The following PDS5B variants were observed in gnomAD, a reference collection of about 807,000 sequenced individuals.
PDS5B encodes the protein sister chromatid cohesion protein PDS5 homolog B.
PDS5B carries 51 observed loss-of-function variants against 184.1 expected under a neutral mutation model. That is an observed-to-expected ratio of 0.28 (90% CI 0.22 to 0.35). The LOEUF (loss-of-function observed/expected upper bound fraction) is 0.35. Among genes scored for constraint, PDS5B ranks in the 10% least tolerant of loss-of-function variants. PDS5B has a pLI of 1.00. For missense variants in PDS5B, 1,180 were observed against 1,723.3 expected (o/e 0.68, Z 5.58); for synonymous variants, 566 against 569.2 (o/e 0.99, Z 0.08).
intron 1 of PDS5B, among the ~76,000 whole-genome samples, chr13:32,635,494 C>G (rs1331515640): frequency 2.6e-5 from 4 of 151,550 alleles, no homozygotes; most frequent in African/African-American, 7.3e-5. Flanking sequence ...CAGGTGCGTA[C>G]CACCACGCCC....
At chr13:32,719,863 T>C (rs1178406897) in intron 19 of PDS5B, among the ~76,000 whole-genome samples, 1 of 145,314 alleles carries the variant, frequency 6.9e-6, no homozygotes, top group East Asian at 2.3e-4. Context: ...ATCTCTTGGC[T>C]CACTGCAACC....
intron 2 of PDS5B, 67 bp from the exon 3 acceptor site, chr13:32,651,737 C>T: frequency 3.2e-6 from 3 of 928,978 alleles, no homozygotes; most frequent in Non-Finnish European, 5.1e-6. Context: ...ATTAACATGA[C>T]CTTTATTTCA....
At chr13:32,714,572 A>C (rs1201952394) in intron 19 of PDS5B, among the ~76,000 whole-genome samples, 1 of 152,158 alleles carries the variant, frequency 6.6e-6, no homozygotes, top group East Asian at 1.9e-4. Context: ...GCTGTTTATA[A>C]GCCTATACCT....
rs1951632302 is a variant in PDS5B, at chr13:32,694,140, A to T, written c.1470-83A>T. On this transcript the variant is annotated intron_variant, in intron 13 of 34. Transcript: ENST00000315596. ...CTCTGTCATCTCCTTTTATAATTTG[A>T]ACCTTAAATTATATAGTAGTAATAT... 3 of 909,912 alleles carry T rather than the reference A, an allele frequency of 3.3e-6. No individual in the cohort carries two copies. In the East Asian group the frequency reaches 8.2e-5, roughly 25 times the overall value. 56.4% of individuals were successfully genotyped at this position (909,912 alleles called of 1,614,324 possible). A position where few individuals can be genotyped will look rare whatever the true frequency, so the allele number is the denominator to read the frequency against.
intron 11 of PDS5B, 105 bp downstream of exon 11, chr13:32,684,128 T>A (rs1244532530): frequency 6.2e-6 from 3 of 482,254 alleles, no homozygotes; most frequent in African/African-American, 2.0e-5. Context: ...ATAATTAGCC[T>A]TTTTTAGGGG....
At chr13:32,764,703 T>C (rs918489753) in intron 31 of PDS5B, 109 bp downstream of exon 31, 25 of 576,540 alleles carry the variant, frequency 4.3e-5, no homozygotes, top group Middle Eastern at 3.7e-4. Context: ...TATTTTATTT[T>C]ATTTTAGTGG....
chr13:32,606,279 G>T (rs566543595), intron 1 of PDS5B, among the ~76,000 whole-genome samples: 3 of 152,104 alleles, frequency 2.0e-5, no homozygotes, highest in Non-Finnish European at 4.4e-5. Flanking sequence ...CAAAATCTCT[G>T]AGCATTTGCT....
intron 33 of PDS5B, among the ~76,000 whole-genome samples, 187 bp from the exon 34 acceptor site, chr13:32,773,002 A>G (rs565313544): frequency 2.6e-5 from 4 of 152,306 alleles, no homozygotes; most frequent in East Asian, 3.9e-4. Context: ...TACTTGGTAG[A>G]TAATATGTAA....
At chr13:32,698,043 T>G (rs1340959282) in intron 15 of PDS5B, among the ~76,000 whole-genome samples, 1 of 35,308 alleles carries the variant, frequency 2.8e-5, no homozygotes, top group Non-Finnish European at 5.1e-5. Context: ...GATCATTCCC[T>G]AAGTTCTTTT....
chr13:32,755,932 T>C lies in PDS5B; in HGVS notation c.3032T>C (p.Ile1011Thr). 1 of 1,562,138 alleles carries C rather than the reference T, an allele frequency of 6.4e-7. No homozygotes were observed. Among genetic ancestry groups the C allele is most frequent in the South Asian group, 1.2e-5 (1 of 86,662 alleles). Residue 1011 changes from isoleucine to threonine, a missense_variant, in exon 26 of 35, where the codon ATT becomes ACT. Ile to Thr is a moderately conservative substitution (Grantham distance 89). Transcript: ENST00000315596. ...HDPDYVKVQD[I>T]EQLKDVKECL... is the part of the protein sequence containing the mutation. Reference sequence around the variant, plus strand: ...CCAGATTATGTCAAAGTACAGGATATTGAACAACTTAAAGATGTTAAAGAG... The same window carrying C: ...CCAGATTATGTCAAAGTACAGGATACTGAACAACTTAAAGATGTTAAAGAG...
chr13:32,602,770 CT>C (rs1181698400), intron 1 of PDS5B, among the ~76,000 whole-genome samples: 3 of 152,130 alleles, frequency 2.0e-5, no homozygotes, highest in Non-Finnish European at 4.4e-5. Flanking sequence ...TGTTTCCTGA[CT>C]TTTTAAAGAT....
intron 19 of PDS5B, among the ~76,000 whole-genome samples, chr13:32,716,844 G>A (rs1593498989): frequency 7.5e-6 from 1 of 133,254 alleles, no homozygotes; most frequent in East Asian, 2.2e-4. Context: ...AGGGAGGTTG[G>A]GGGGTCAGCC....
chr13:32,658,257 A>G lies in PDS5B; in HGVS notation c.331A>G (p.Thr111Ala). Residue 111 changes from threonine to alanine, a missense_variant, in exon 4 of 35, where the codon ACA becomes GCA. By Grantham distance (58) the Thr-to-Ala change is moderately conservative. Around this residue, in one of 11 missense-constraint regions of PDS5B, gnomAD observed 22 missense variants for 46.8 expected, o/e 0.47. Transcript: ENST00000315596. The part of the protein sequence containing the change: ...DKLKDIFMFI[T>A]RQLKGLEDTK... ...ATTTAAGGATATATTTATGTTTATA[A>G]CAAGACAGTTGAAGGGGCTAGAGGA... 6.8e-7 allele frequency: 1 copy of G among 1,476,474 alleles called. No individual in the cohort carries two copies. The allele number at this position is 1,476,474 out of a possible 1,614,324, so 91.5% of individuals were successfully genotyped here. A position where few individuals can be genotyped will look rare whatever the true frequency, so the allele number is the denominator to read the frequency against.
chr13:32,618,482 C>T lies in PDS5B; in HGVS notation c.-19-30272C>T, dbSNP rs150434872. ...TGAATTATTCCTTTGTCCAGTTACC[C>T]GTCCAGTGTAATACTACTGGCCCAT... is the stretch of plus-strand genomic sequence containing the variant. On this transcript the variant is annotated intron_variant, in intron 1 of 34. Coordinates refer to ENST00000315596, the MANE Select transcript of PDS5B (RefSeq NM_015032.4). Among the ~76,000 whole-genome samples the T allele has an allele frequency of 1.9e-3, 287 of 151,868 alleles. 3 individuals carry two copies. The South Asian group carries it at 0.021, about 11-fold the overall frequency.
rs551554206 is a variant in PDS5B at position 32,649,060 on chromosome 13, G to A, written c.108+180G>A. The A allele has an allele frequency of 1.2e-5, 6 of 511,066 alleles. No homozygotes were observed. In the Middle Eastern group the frequency reaches 1.4e-3, roughly 117 times the overall value. The allele number at this position is 511,066 out of a possible 1,614,324, so 31.7% of individuals were successfully genotyped here. ...GGTACAGTGGGGATTATTTGGCTAT[G>A]ATTAAAGGGACAGCAATTAGGTGAA... is the stretch of plus-strand genomic sequence containing the variant. On this transcript the variant is annotated intron_variant, in intron 2 of 34. Coordinates refer to ENST00000315596, the MANE Select transcript of PDS5B (RefSeq NM_015032.4).
At chr13:32,684,145 G>T in intron 11 of PDS5B, 122 bp downstream of exon 11, 1 of 417,828 alleles carries the variant, frequency 2.4e-6, no homozygotes, top group Non-Finnish European at 4.1e-6. Context: ...GGGGTATGGA[G>T]GCATTTTAAT....
At chr13:32,686,468 A>T (rs1951393920) in intron 11 of PDS5B, among the ~76,000 whole-genome samples, 1 of 152,110 alleles carries the variant, frequency 6.6e-6, no homozygotes, top group Admixed American at 6.6e-5. Flanking sequence ...TATCCATTTA[A>T]TTCTGTCTTT....
chr13:32,615,215 A>G (rs980869409), intron 1 of PDS5B, among the ~76,000 whole-genome samples: 2 of 152,116 alleles, frequency 1.3e-5, no homozygotes, highest in East Asian at 3.8e-4. Flanking sequence ...TATCTGACTT[A>G]TTTTGTTCAA....
At chr13:32,766,328 A>T (rs577347005) in intron 31 of PDS5B, among the ~76,000 whole-genome samples, 2 of 152,138 alleles carry the variant, frequency 1.3e-5, no homozygotes, top group East Asian at 3.9e-4. Context: ...ATCTGCTTTT[A>T]CCTTTTGGGA....
Sources: allele counts gnomAD v4.1 joint callset (sites outside exome capture counted in the v4.1 genomes callset), GRCh38; gene constraint gnomAD v4.1.1; regional missense constraint gnomAD v4.1.1; transcripts MANE v1.5; gene names NCBI Gene and HGNC (gene_info 2026-07-23, HGNC 2026-07-21).